ZCCHC24: variants seen among roughly 807,000 people sequenced by gnomAD.
ZCCHC24 encodes zinc finger CCHC-type containing 24.
In ZCCHC24, 10 loss-of-function variants were observed where a neutral mutation model predicts 26.2. The ratio of observed to expected loss-of-function variants is 0.38; its 90% CI spans 0.24 to 0.65. The LOEUF is 0.65. Ranked by LOEUF, ZCCHC24 falls within the 30% of genes least tolerant of loss-of-function variation. The pLI, the probability that ZCCHC24 is intolerant of heterozygous loss-of-function variation, is 0.54. For missense variants in ZCCHC24, 243 were observed against 329.1 expected (o/e 0.74, Z 2.03); for synonymous variants, 144 against 147.1 (o/e 0.98, Z 0.15).
At chr10:79,414,109 C>T (rs1028115942) in intron 2 of ZCCHC24, among the ~76,000 whole-genome samples, 3 of 152,214 alleles carry the variant, frequency 2.0e-5, no homozygotes, top group Admixed American at 6.5e-5. Flanking sequence ...TGAGGGGGCA[C>T]GTGTCCCAGC....
chr10:79,445,488 C>T lies in ZCCHC24; in HGVS notation c.-48G>A. ...CTCCCCGGCCGCCCGCTCGCGGCCC[C>T]CCTCCGCAGCGGAGGGGCGGGCACC... On this transcript the variant is annotated 5_prime_UTR_variant, in exon 1 of 4. Transcript: ENST00000372336. The T allele has an allele frequency of 7.7e-7, 1 of 1,306,388 alleles. No individual in the cohort carries two copies. 80.9% of individuals were successfully genotyped at this position (1,306,388 alleles called of 1,614,324 possible). A position where few individuals can be genotyped will look rare whatever the true frequency, so the allele number is the denominator to read the frequency against.
At chr10:79,398,354 G>A (rs185930058) in intron 2 of ZCCHC24, among the ~76,000 whole-genome samples, 8 of 152,310 alleles carry the variant, frequency 5.3e-5, no homozygotes, top group African/African-American at 1.7e-4. Flanking sequence ...CCTGCCTCCC[G>A]GGGCTGTTGG....
chr10:79,406,709 A>G (rs1474925672), intron 2 of ZCCHC24, among the ~76,000 whole-genome samples: 1 of 152,112 alleles, frequency 6.6e-6, no homozygotes, highest in Non-Finnish European at 1.5e-5. Context: ...AGTCACAGAG[A>G]GGTTAAGAGA....
chr10:79,424,769 G>A (rs1213253500), intron 2 of ZCCHC24, among the ~76,000 whole-genome samples: 5 of 152,108 alleles, frequency 3.3e-5, no homozygotes, highest in African/African-American at 4.8e-5. Flanking sequence ...CCTCCCCCAG[G>A]AGCGCCTGCT....
At chr10:79,421,862 C>T (rs1405286059) in intron 2 of ZCCHC24, among the ~76,000 whole-genome samples, 1 of 152,154 alleles carries the variant, frequency 6.6e-6, no homozygotes, top group Non-Finnish European at 1.5e-5. Context: ...CTCCTGACCT[C>T]AGGCGATCTG....
At chr10:79,423,580 A>AATATATATATATATATAT (rs1564638246) in intron 2 of ZCCHC24, among the ~76,000 whole-genome samples, 3 of 28,356 alleles carry the variant, frequency 1.1e-4, no homozygotes, top group African/African-American at 4.8e-4. Context: ...AAATATATAT[A>AATATATATATATATATAT]CTATATATAT....
intron 1 of ZCCHC24, among the ~76,000 whole-genome samples, chr10:79,440,135 G>A (rs912676133): frequency 1.3e-5 from 2 of 150,892 alleles, no homozygotes; most frequent in Non-Finnish European, 3.0e-5. Flanking sequence ...ACACACAACA[G>A]ATCTAGGACC....
chr10:79,418,072 C>T (rs1390244613), intron 2 of ZCCHC24, among the ~76,000 whole-genome samples: 1 of 152,230 alleles, frequency 6.6e-6, no homozygotes, highest in Non-Finnish European at 1.5e-5. Flanking sequence ...ACAAATATGC[C>T]TCCAAGACCC....
At chr10:79,443,404 C>G (rs577195897) in intron 1 of ZCCHC24, among the ~76,000 whole-genome samples, 1 of 152,296 alleles carries the variant, frequency 6.6e-6, no homozygotes, top group East Asian at 1.9e-4. Flanking sequence ...GTAGGGGGAG[C>G]AGAGGGAGGC....
At chr10:79,437,237 G>C (rs1857227660) in intron 1 of ZCCHC24, among the ~76,000 whole-genome samples, 1 of 152,066 alleles carries the variant, frequency 6.6e-6, no homozygotes, top group Non-Finnish European at 1.5e-5. Context: ...ATTATTTGTA[G>C]AGATGAGGTT....
intron 2 of ZCCHC24, among the ~76,000 whole-genome samples, chr10:79,411,343 C>G (rs534566070): frequency 3.9e-5 from 6 of 152,326 alleles, no homozygotes; most frequent in East Asian, 1.9e-4. Flanking sequence ...ACACACTCCC[C>G]TGCAGGTGAG....
intron 2 of ZCCHC24, among the ~76,000 whole-genome samples, chr10:79,402,317 C>T (rs569476850): frequency 2.3e-3 from 351 of 152,170 alleles, no homozygotes; most frequent in Non-Finnish European, 3.3e-3. Context: ...GCTCTGTCAC[C>T]CAGGCTGGAG....
rs1451506590 is a variant in ZCCHC24 at position 79,384,122 on chromosome 10, C to T, written c.*2223G>A. Reference sequence around the variant, plus strand: ...GCCTCAAAGCGGGAACCCCAGCCCCCAAGGTGGCTGGCTCTGCACAGATGG... The same window carrying T: ...GCCTCAAAGCGGGAACCCCAGCCCCTAAGGTGGCTGGCTCTGCACAGATGG... On this transcript the variant is annotated 3_prime_UTR_variant, in exon 4 of 4. Transcript: ENST00000372336. 1.3e-5 allele frequency: 2 copies of T among 152,494 alleles called. No individual in the cohort carries two copies. Among genetic ancestry groups the T allele is most frequent in the African/African-American group, 2.4e-5 (1 of 41,468 alleles). 9.4% of individuals were successfully genotyped at this position (152,494 alleles called of 1,614,324 possible). A position where few individuals can be genotyped will look rare whatever the true frequency, so the allele number is the denominator to read the frequency against.
chr10:79,428,389 AGT>A (rs1491133637), intron 2 of ZCCHC24, among the ~76,000 whole-genome samples: 3 of 95,532 alleles, frequency 3.1e-5, no homozygotes, highest in Non-Finnish European at 6.8e-5. Context: ...CAATGGGTAC[AGT>A]ATTTCAGTTT....
intron 1 of ZCCHC24, among the ~76,000 whole-genome samples, chr10:79,440,918 A>T (rs533808526): frequency 6.6e-6 from 1 of 152,190 alleles, no homozygotes; most frequent in Admixed American, 6.5e-5. Context: ...TGACAGAGGG[A>T]GGGTCAGGTT....
intron 1 of ZCCHC24, among the ~76,000 whole-genome samples, chr10:79,444,677 C>T (rs959868400): frequency 6.6e-6 from 1 of 152,212 alleles, no homozygotes; most frequent in Admixed American, 6.5e-5. Context: ...TGGGCAGTCA[C>T]TGCTCTCCAG....
chr10:79,432,415 AAGGGTAG>A (rs1353358005), intron 2 of ZCCHC24, 136 bp downstream of exon 2: 1 of 853,466 alleles, frequency 1.2e-6, no homozygotes, highest in African/African-American at 1.8e-5. Context: ...GCAGGGACAA[AAGGGTAG>A]AGGCCAGAGG....
At chr10:79,403,882 G>A (rs1438221769) in intron 2 of ZCCHC24, among the ~76,000 whole-genome samples, 4 of 152,086 alleles carry the variant, frequency 2.6e-5, no homozygotes, top group Non-Finnish European at 5.9e-5. Flanking sequence ...GGGGGGCATG[G>A]AGTGGGGGTG....
Position 79,386,002 on chromosome 10 carries a change from A to C in ZCCHC24, c.*343T>G. ...ATTTAGTGCACCTGTGGCCAATACA[A>C]GGCTGCTCACCCCAAAGAGGCTCTC... On this transcript the variant is annotated 3_prime_UTR_variant, in exon 4 of 4. Coordinates refer to ENST00000372336, the MANE Select transcript of ZCCHC24 (RefSeq NM_153367.4). The C allele has an allele frequency of 2.0e-6, 1 of 488,006 alleles. No individual in the cohort carries two copies. The highest frequency in any genetic ancestry group is 3.7e-6 in the Non-Finnish European group (1 of 273,012). The allele number at this position is 488,006 out of a possible 1,614,324, so 30.2% of individuals were successfully genotyped here. A position where few individuals can be genotyped will look rare whatever the true frequency, so the allele number is the denominator to read the frequency against.
Sources: gnomAD v4.1 joint callset for allele counts (sites outside exome capture counted in the v4.1 genomes callset) on GRCh38, gnomAD v4.1.1 for gene constraint, MANE v1.5 for transcripts, NCBI Gene and HGNC (gene_info 2026-07-23, HGNC 2026-07-21) for gene names.